The following MORC4 variants were observed in gnomAD, a reference collection of about 807,000 sequenced individuals.
The protein encoded by MORC4 is MORC family CW-type zinc finger 4.
A neutral mutation model predicts 65.5 loss-of-function variants in MORC4; 22 were observed. The ratio of observed to expected loss-of-function variants is 0.34; its 90% CI spans 0.24 to 0.48. The LOEUF (loss-of-function observed/expected upper bound fraction) is 0.48. MORC4 is among the 20% of genes least tolerant of loss of function. MORC4 has a pLI of 0.99. For synonymous variants in MORC4, 267 were observed against 255.8 expected, an observed-to-expected ratio of 1.04 and a Z score of -0.42; for missense variants, 624 against 703.0, an observed-to-expected ratio of 0.89 and a Z score of 1.27.
chrX:106,949,539 A>ATGT lies in MORC4; in HGVS notation c.1685+5371_1685+5373dup, dbSNP rs756507658. 2.7e-3 allele frequency among the ~76,000 whole-genome samples: 301 copies of ATGT among 112,002 alleles called. 2 individuals carry two copies. Among genetic ancestry groups the ATGT allele is most frequent in the African/African-American group, 9.6e-3 (296 of 30,869 alleles). On this transcript the variant is annotated intron_variant, in intron 14 of 16. Coordinates refer to ENST00000355610, the MANE Select transcript of MORC4 (RefSeq NM_024657.5). ...TGATCTCCCCTTCCCTATGACACTG[A>ATGT]TGTTGTTGTTTGCTTGGTTGTTTAT...
rs756068510 is a variant in MORC4, at chrX:106,953,684, C to T, written c.1685+1229G>A. 7.9e-4 allele frequency among the ~76,000 whole-genome samples: 87 copies of T among 110,748 alleles called. 1 individual carries two copies. The highest frequency in any genetic ancestry group is 4.7e-3 in the Middle Eastern group (1 of 213). ...GTTTTTTTTTTAAGAGATGAGATTT[C>T]GCTGTGTTGTCCAGGCTGGTCTTGA... On this transcript the variant is annotated intron_variant, in intron 14 of 16. Coordinates refer to ENST00000355610, the MANE Select transcript of MORC4 (RefSeq NM_024657.5).
At chrX:106,955,160 T>C in intron 13 of MORC4, 72 bp from the exon 14 acceptor site, 2 of 780,321 alleles carry the variant, frequency 2.6e-6, no homozygotes, top group East Asian at 3.2e-5. Flanking sequence ...TCAATCCTTC[T>C]GATGCTAGGA....
intron 11 of MORC4, 81 bp from the exon 12 acceptor site, chrX:106,957,085 AG>A: frequency 1.7e-6 from 1 of 575,857 alleles, no homozygotes; most frequent in African/African-American, 2.2e-5. Context: ...ATAACTATGC[AG>A]GTTAACAACT....
chrX:106,942,266 C>T (rs769360619), intron 15 of MORC4, 45 bp from the exon 16 acceptor site: 14 of 1,151,874 alleles, frequency 1.2e-5, no homozygotes, highest in African/African-American at 5.5e-5. Flanking sequence ...CAAAAGAGCA[C>T]GCCAAAAACC....
At chrX:106,993,524 A>T (rs773768772) in intron 2 of MORC4, among the ~76,000 whole-genome samples, 162 bp from the exon 3 acceptor site, 5 of 112,234 alleles carry the variant, frequency 4.5e-5, no homozygotes, top group Admixed American at 2.8e-4. Context: ...TTACTAAATT[A>T]TAGAGAACAA....
chrX:106,968,641 G>GC (rs1175249716), intron 9 of MORC4, among the ~76,000 whole-genome samples: 2 of 15,533 alleles, frequency 1.3e-4, no homozygotes, highest in East Asian at 1.7e-3. Context: ...GAAATGGAAA[G>GC]CAAAAAAAAA....
At chrX:106,963,844 T>A (rs1292896776) in intron 9 of MORC4, among the ~76,000 whole-genome samples, 1 of 107,341 alleles carries the variant, frequency 9.3e-6, no homozygotes, top group African/African-American at 3.4e-5. Flanking sequence ...CTCAGGTCAA[T>A]CCTTGGCACA....
intron 3 of MORC4, among the ~76,000 whole-genome samples, chrX:106,987,893 T>C (rs1934904127): frequency 9.1e-6 from 1 of 109,545 alleles, no homozygotes; most frequent in South Asian, 3.9e-4. Context: ...AGAACTTCAG[T>C]TTGTGTTGCC....
At chrX:106,950,899 A>G (rs185949521) in intron 14 of MORC4, among the ~76,000 whole-genome samples, 6 of 112,251 alleles carry the variant, frequency 5.3e-5, no homozygotes, top group African/African-American at 1.9e-4. Context: ...TTGTGGTTCA[A>G]ATGCCACTGA....
At chrX:106,963,629 C>T (rs1483401781) in intron 9 of MORC4, among the ~76,000 whole-genome samples, 1 of 111,793 alleles carries the variant, frequency 8.9e-6, no homozygotes. Flanking sequence ...TCTACTCCTC[C>T]AGTTGAAGTG....
At chrX:106,971,689 T>C (rs780188423) in intron 9 of MORC4, among the ~76,000 whole-genome samples, 1 of 112,313 alleles carries the variant, frequency 8.9e-6, no homozygotes, top group African/African-American at 3.2e-5. Context: ...AAGAAGACAT[T>C]TATGCAGCCA....
chrX:106,951,139 T>A (rs969598018), intron 14 of MORC4, among the ~76,000 whole-genome samples: 1 of 111,814 alleles, frequency 8.9e-6, no homozygotes, highest in African/African-American at 3.3e-5. Context: ...TCAATCTTAT[T>A]CATTTGCAAA....
chrX:106,957,697 GA>G (rs768295989), intron 11 of MORC4, among the ~76,000 whole-genome samples: 1 of 111,686 alleles, frequency 9.0e-6, no homozygotes, highest in South Asian at 3.8e-4. Flanking sequence ...GATGCTGCAA[GA>G]AACATATGGT....
intron 14 of MORC4, among the ~76,000 whole-genome samples, chrX:106,945,516 T>C (rs1933807226): frequency 9.4e-6 from 1 of 106,760 alleles, no homozygotes; most frequent in African/African-American, 3.4e-5. Context: ...GGGAGCTTAA[T>C]TAACCATGCT....
intron 9 of MORC4, among the ~76,000 whole-genome samples, chrX:106,975,420 T>C (rs1405287884): frequency 9.0e-6 from 1 of 111,164 alleles, no homozygotes; most frequent in Non-Finnish European, 1.9e-5. Context: ...AACCACTGAG[T>C]AGCCCAAGTA....
chrX:106,976,737 G>T, intron 8 of MORC4, 53 bp from the exon 9 acceptor site: 1 of 903,697 alleles, frequency 1.1e-6, no homozygotes. Context: ...CTGCCTGGAG[G>T]CATTTCCTTT....
chrX:106,992,345 C>T (rs775138734), intron 3 of MORC4, among the ~76,000 whole-genome samples: 1 of 112,278 alleles, frequency 8.9e-6, no homozygotes, highest in Non-Finnish European at 1.9e-5. Context: ...GAGCCCTTTC[C>T]CTCCTCCACA....
intron 14 of MORC4, among the ~76,000 whole-genome samples, chrX:106,952,816 G>GT (rs772279150): frequency 1.2e-4 from 13 of 111,926 alleles, no homozygotes; most frequent in African/African-American, 4.2e-4. Context: ...GAAGACCTTT[G>GT]TAACTCTTGA....
At chrX:106,961,936 C>A in intron 10 of MORC4, 76 bp downstream of exon 10, 1 of 859,872 alleles carries the variant, frequency 1.2e-6, no homozygotes, top group South Asian at 2.3e-5. Flanking sequence ...CAAATCCAGA[C>A]ACATTACCCT....
Sources: allele counts gnomAD v4.1 joint callset (sites outside exome capture counted in the v4.1 genomes callset), GRCh38; gene constraint gnomAD v4.1.1; transcripts MANE v1.5; gene names NCBI Gene and HGNC (gene_info 2026-07-23, HGNC 2026-07-21).